SSH3: variants seen among roughly 807,000 people sequenced by gnomAD.
SSH3 encodes the protein protein phosphatase Slingshot homolog 3.
SSH3 carries 67 observed loss-of-function variants against 75.0 expected under a neutral mutation model. The ratio of observed to expected loss-of-function variants is 0.89; its 90% CI spans 0.73 to 1.10. The LOEUF (loss-of-function observed/expected upper bound fraction) is 1.10, where lower values mean the gene tolerates loss of function less well. Ranked by LOEUF, SSH3 falls within the 50% of genes least tolerant of loss-of-function variation. The probability of loss-of-function intolerance (pLI) is 0.00; values close to 1 mark genes in which losing one functional copy is unlikely to be tolerated. For missense variants in SSH3, 824 were observed against 872.7 expected, an observed-to-expected ratio of 0.94 and a Z score of 0.70; for synonymous variants, 318 against 349.2, an observed-to-expected ratio of 0.91 and a Z score of 1.00.
intron 3 of SSH3, among the ~76,000 whole-genome samples, chr11:67,306,099 C>G (rs932486313): frequency 8.7e-5 from 13 of 149,920 alleles, no homozygotes; most frequent in Admixed American, 4.0e-4. Context: ...ACCATCCTGG[C>G]TAACACGGTG....
chr11:67,307,552 C>A lies in SSH3; in HGVS notation c.606C>A (p.Ala202=). The A allele has an allele frequency of 6.2e-7, 1 of 1,609,540 alleles. No individual in the cohort carries two copies. The highest frequency in any genetic ancestry group is 1.1e-5 in the South Asian group (1 of 90,868). The change falls in exon 7 of 14, where the codon GCC becomes GCA. Residue 202 remains alanine, a synonymous_variant. Coordinates refer to ENST00000308127, the MANE Select transcript of SSH3 (RefSeq NM_017857.4). The surrounding 1 kb of genome is among the most constrained non-coding windows in gnomAD (Gnocchi z 4.2). ...CCAGCCTCTCCTCCTGTCTCAGGGCCACACTCCAGGTATTGCACCAAGCAT... is the reference window on the plus strand; with the variant it reads ...CCAGCCTCTCCTCCTGTCTCAGGGCAACACTCCAGGTATTGCACCAAGCAT... The part of the protein sequence containing the change: ...FKPISIQTMW[A]TLQVLHQACE...
chr11:67,307,500 G>C lies in SSH3; in HGVS notation c.603-49G>C. 6.2e-7 allele frequency: 1 copy of C among 1,612,854 alleles called. No individual in the cohort carries two copies. On this transcript the variant is annotated intron_variant, in intron 6 of 13. Coordinates refer to ENST00000308127, the MANE Select transcript of SSH3 (RefSeq NM_017857.4). The surrounding 1 kb of genome is among the most constrained non-coding windows in gnomAD (Gnocchi z 4.2). Reference sequence around the variant, plus strand: ...CTTCGAAGGAGGCTGCAGGGCCTGGGGAAGGGCAGCAAGGGAACAGTGTGA... The same window carrying C: ...CTTCGAAGGAGGCTGCAGGGCCTGGCGAAGGGCAGCAAGGGAACAGTGTGA...
chr11:67,305,327 C>T (rs1038701561), intron 3 of SSH3, among the ~76,000 whole-genome samples: 1 of 151,742 alleles, frequency 6.6e-6, no homozygotes. Flanking sequence ...GCTGGGACTA[C>T]AGGCACCCGC....
At position 67,307,368 on chromosome 11, in the gene SSH3, C is replaced by G; in HGVS notation, c.537-3C>G. 1 of 1,613,866 alleles carries G rather than the reference C, an allele frequency of 6.2e-7. No individual in the cohort carries two copies. The highest frequency in any genetic ancestry group is 8.5e-7 in the Non-Finnish European group (1 of 1,179,984). On this transcript the variant is annotated splice_region_variant and splice_polypyrimidine_tract_variant and intron_variant, in intron 5 of 13. Coordinates refer to ENST00000308127, the MANE Select transcript of SSH3 (RefSeq NM_017857.4). The surrounding 1 kb of genome is among the most constrained non-coding windows in gnomAD (Gnocchi z 4.2). ...GGCCTCACCTGTGCCTGGTCTCCTG[C>G]AGGGGCTTCAGCGTGACGTCTGGTG...
At chr11:67,303,852 G>T (rs1226010683) in intron 1 of SSH3, 161 bp downstream of exon 1, 1 of 797,580 alleles carries the variant, frequency 1.3e-6, no homozygotes, top group Non-Finnish European at 1.8e-6. Context: ...TGGTACTGGC[G>T]CCGGGGCACA....
intron 1 of SSH3, 141 bp downstream of exon 1, chr11:67,303,832 C>T (rs1051161794): frequency 4.9e-5 from 44 of 902,930 alleles, no homozygotes; most frequent in Non-Finnish European, 6.7e-5. Context: ...CTGGGGGCCT[C>T]GAGGGTCTCT....
chr11:67,311,885 T>G lies in SSH3; in HGVS notation c.1978T>G (p.Ter660GlyextTer85). 1 of 1,609,498 alleles carries G rather than the reference T, an allele frequency of 6.2e-7. No individual in the cohort carries two copies. The highest frequency in any genetic ancestry group is 1.1e-5 in the South Asian group (1 of 90,896). The change falls in exon 14 of 14, where the codon TGA (stop) becomes GGA (glycine). Residue 660 changes from the stop codon to glycine (G), a stop_lost. Coordinates refer to ENST00000308127, the MANE Select transcript of SSH3 (RefSeq NM_017857.4). ...TGACAGTGGAGAGGAGGGCGAGGCC[T>G]GAGCCCTCACACATGCCCACGCTCC... is the stretch of plus-strand genomic sequence containing the variant. ...VHDSGEEGEA[*>G]
At chr11:67,304,298 G>A (rs570807095) in intron 2 of SSH3, 143 bp downstream of exon 2, 6 of 689,472 alleles carry the variant, frequency 8.7e-6, no homozygotes, top group East Asian at 2.9e-5. Flanking sequence ...CAGCGTTCCC[G>A]GTGGGGCCGG....
chr11:67,308,422 G>A lies in SSH3; in HGVS notation c.1025G>A (p.Trp342Ter), dbSNP rs1263367656. The change falls in exon 10 of 14, where the codon TGG becomes TAG. Residue 342 changes from tryptophan to a stop codon, truncating the protein, a stop_gained. Coordinates refer to ENST00000308127, the MANE Select transcript of SSH3 (RefSeq NM_017857.4). LOFTEE classifies it high-confidence loss of function. This position sits in a 1 kb window ranked among gnomAD's most constrained non-coding sequence, Gnocchi z 4.9. The part of the protein sequence containing the change: ...IFPHLYLGSE[W>*]NAANLEELQR... Reference sequence around the variant, plus strand: ...TTCCCTCTCTCCCAGGGCTCAGAGTGGAACGCAGCAAACCTGGAGGAGCTG... The same window carrying A: ...TTCCCTCTCTCCCAGGGCTCAGAGTAGAACGCAGCAAACCTGGAGGAGCTG... 2 of 1,610,102 alleles carry A rather than the reference G, an allele frequency of 1.2e-6. No homozygotes were observed. Among genetic ancestry groups the A allele is most frequent in the African/African-American group, 1.3e-5 (1 of 74,830 alleles).
Position 67,311,836 on chromosome 11 carries a change from G to A in SSH3, c.1929G>A (p.Lys643=), listed in dbSNP as rs1253601576. 6.2e-7 allele frequency: 1 copy of A among 1,613,014 alleles called. No homozygotes were observed. Among genetic ancestry groups the A allele is most frequent in the Non-Finnish European group, 8.5e-7 (1 of 1,180,008 alleles). ...TTTCCTCTACGCCCAGGTTCCGGAA[G>A]GTGGTGAGACAGGCCAGCGTGCATG... ...PCISSTPRFR[K]VVRQASVHDS... The change falls in exon 14 of 14, where the codon AAG becomes AAA. Residue 643 remains lysine (K), a synonymous_variant. Transcript: ENST00000308127.
intron 3 of SSH3, 44 bp from the exon 4 acceptor site, chr11:67,306,794 G>A (rs1861257088): frequency 6.4e-7 from 1 of 1,571,700 alleles, no homozygotes; most frequent in East Asian, 2.3e-5. Flanking sequence ...GGGGAGCAGG[G>A]TCCTTGGGGC....
intron 13 of SSH3, 123 bp from the exon 14 acceptor site, chr11:67,311,468 C>CG: frequency 7.8e-7 from 1 of 1,281,310 alleles, no homozygotes; most frequent in Non-Finnish European, 1.1e-6. Context: ...ACAAACATTC[C>CG]GGCCCTCGCC....
intron 3 of SSH3, among the ~76,000 whole-genome samples, chr11:67,306,106 G>A (rs903960759): frequency 1.3e-5 from 2 of 150,760 alleles, no homozygotes; most frequent in African/African-American, 4.9e-5. Flanking sequence ...TGGCTAACAC[G>A]GTGAAACCCC....
rs1188179661 is a variant in SSH3 at position 67,305,134 on chromosome 11, G to A, written c.339+127G>A. 8 of 873,140 alleles carry A rather than the reference G, an allele frequency of 9.2e-6. No homozygotes were observed. In the Admixed American group the frequency reaches 1.8e-4, roughly 20 times the overall value. The allele number at this position is 873,140 out of a possible 1,614,324, so 54.1% of individuals were successfully genotyped here. On this transcript the variant is annotated intron_variant, in intron 3 of 13. Coordinates refer to ENST00000308127, the MANE Select transcript of SSH3 (RefSeq NM_017857.4). ...GGCAGGGGGCAGCCTGGGGAGTGTT[G>A]GGGTTACCCATATCCCAGTGACCCT...
chr11:67,311,911 CCT>C lies in SSH3; in HGVS notation c.*25_*26del, dbSNP rs779682113. On this transcript the variant is annotated 3_prime_UTR_variant, in exon 14 of 14. Coordinates refer to ENST00000308127, the MANE Select transcript of SSH3 (RefSeq NM_017857.4). ...GAGCCCTCACACATGCCCACGCTCC[CCT>C]GACACTGAAGAGGATCCACAACTCC... 6.2e-6 allele frequency: 10 copies of C among 1,601,708 alleles called. No homozygotes were observed. The highest frequency in any genetic ancestry group is 2.3e-4 in the Middle Eastern group (1 of 4,404).
At chr11:67,311,515 T>C in intron 13 of SSH3, 76 bp from the exon 14 acceptor site, 1 of 1,566,136 alleles carries the variant, frequency 6.4e-7, no homozygotes, top group Non-Finnish European at 8.7e-7. Flanking sequence ...CTGCCCCAGA[T>C]CTTCCCGGCT....
chr11:67,303,776 G>A (rs980323529), intron 1 of SSH3, 85 bp downstream of exon 1: 1 of 1,359,914 alleles, frequency 7.4e-7, no homozygotes, highest in Non-Finnish European at 9.5e-7. Flanking sequence ...GGCTCCTCTC[G>A]AACGGGGACA....
At chr11:67,303,857 G>C (rs1279356279) in intron 1 of SSH3, 166 bp downstream of exon 1, 5 of 793,412 alleles carry the variant, frequency 6.3e-6, no homozygotes, top group South Asian at 2.1e-5. Context: ...CTGGCGCCGG[G>C]GCACAATCCA....
At chr11:67,311,021 T>G (rs1290957382) in intron 13 of SSH3, among the ~76,000 whole-genome samples, 8 of 152,162 alleles carry the variant, frequency 5.3e-5, no homozygotes. Context: ...AGCCAGGCCC[T>G]GTCTGGGACT....
Sources: gnomAD v4.1 joint callset for allele counts (sites outside exome capture counted in the v4.1 genomes callset) on GRCh38, gnomAD v4.1.1 for gene constraint, Gnocchi (gnomAD v3.1) non-coding constraint, MANE v1.5 for transcripts, NCBI Gene and HGNC (gene_info 2026-07-23, HGNC 2026-07-21) for gene names.